ZNF385D: variants seen among roughly 807,000 people sequenced by gnomAD.
ZNF385D encodes zinc finger protein 385D.
In ZNF385D, 15 loss-of-function variants were observed where a neutral mutation model predicts 35.8. The observed-to-expected ratio is 0.42, with a 90% CI of 0.28 to 0.64. The LOEUF (loss-of-function observed/expected upper bound fraction) is 0.64. ZNF385D is among the 30% of genes least tolerant of loss of function. ZNF385D has a pLI of 0.23. For synonymous variants in ZNF385D, 212 were observed against 186.8 expected (o/e 1.13, Z -1.10); for missense variants, 474 against 494.6 (o/e 0.96, Z 0.39).
At chr3:22,159,930 C>T (rs532649247) in intron 3 of ZNF385D, among the ~76,000 whole-genome samples, 1 of 152,044 alleles carries the variant, frequency 6.6e-6, no homozygotes, top group South Asian at 2.1e-4. Flanking sequence ...GGTTGTGTCC[C>T]CAGCCAAAAT....
intron 2 of ZNF385D, among the ~76,000 whole-genome samples, chr3:22,361,574 A>G (rs1422004578): frequency 6.6e-6 from 1 of 152,016 alleles, no homozygotes; most frequent in Non-Finnish European, 1.5e-5. Context: ...TGCTCCCTTA[A>G]TACTGTCATT....
At position 21,767,332 on chromosome 3, in the gene ZNF385D, T is replaced by C. The variant is rs558190681; in HGVS notation, c.326-102304A>G. On this transcript the variant is annotated intron_variant, in intron 3 of 5. Transcript: ENST00000494108. ...TTTGACAAATTTTACTCATTCTTTC[T>C]CCTTTTAGCTCAACTGCCACTTGTC... 1.2e-4 allele frequency among the ~76,000 whole-genome samples: 18 copies of C among 151,940 alleles called. 1 individual carries two copies. Among genetic ancestry groups the C allele is most frequent in the African/African-American group, 3.1e-4 (13 of 41,350 alleles).
intron 2 of ZNF385D, among the ~76,000 whole-genome samples, chr3:22,183,211 C>T (rs1249803016): frequency 6.6e-6 from 1 of 152,036 alleles, no homozygotes; most frequent in East Asian, 1.9e-4. Flanking sequence ...GTTCCTTGGA[C>T]ATTTTTTGTT....
chr3:21,951,962 A>G (rs1702086858), intron 3 of ZNF385D, among the ~76,000 whole-genome samples: 1 of 151,596 alleles, frequency 6.6e-6, no homozygotes, highest in Non-Finnish European at 1.5e-5. Context: ...GGTTGTTGAA[A>G]AACCATGACC....
At chr3:21,787,866 C>T (rs1050978655) in intron 3 of ZNF385D, among the ~76,000 whole-genome samples, 8 of 142,574 alleles carry the variant, frequency 5.6e-5, no homozygotes, top group African/African-American at 1.3e-4. Flanking sequence ...GGCGTGAACC[C>T]GGGAGGCGGA....
At chr3:21,742,268 T>C (rs959742251) in intron 1 of ZNF385D, among the ~76,000 whole-genome samples, 10 of 152,246 alleles carry the variant, frequency 6.6e-5, no homozygotes, top group African/African-American at 2.4e-4. Context: ...AGTGACAAAG[T>C]ACATACTTGA....
intron 4 of ZNF385D, among the ~76,000 whole-genome samples, chr3:21,475,150 A>T (rs1364751258): frequency 1.3e-5 from 2 of 151,954 alleles, no homozygotes; most frequent in East Asian, 3.9e-4. Context: ...TAGTTTTTGA[A>T]TTTTTGAATT....
intron 3 of ZNF385D, among the ~76,000 whole-genome samples, chr3:21,972,628 T>C (rs1343458283): frequency 1.3e-5 from 2 of 151,284 alleles, no homozygotes; most frequent in Non-Finnish European, 3.0e-5. Context: ...ATATAAAAGA[T>C]GAACAAAATG....
intron 2 of ZNF385D, among the ~76,000 whole-genome samples, chr3:21,585,371 A>T (rs971098430): frequency 6.6e-6 from 1 of 152,272 alleles, no homozygotes; most frequent in South Asian, 2.1e-4. Context: ...TTATGAAAAT[A>T]ATATATGACA....
chr3:22,289,777 A>G (rs762841400), intron 2 of ZNF385D, among the ~76,000 whole-genome samples: 16 of 152,132 alleles, frequency 1.1e-4, no homozygotes, highest in Non-Finnish European at 2.1e-4. Flanking sequence ...GCATGCACCA[A>G]TGCCTTCCAG....
chr3:21,978,282 T>G (rs1703763605), intron 3 of ZNF385D: 1 of 152,252 alleles, frequency 6.6e-6, no homozygotes, highest in Admixed American at 6.5e-5. Context: ...AATCAGGCAC[T>G]TGTTAAAAAG....
In ZNF385D at chr3:21,417,412, TG is replaced by T. The variant is rs1700577919; in HGVS notation, c.*3801del. 6.6e-6 allele frequency: 1 copy of T among 152,080 alleles called. No homozygotes were observed. Among genetic ancestry groups the T allele is most frequent in the African/African-American group, 2.4e-5 (1 of 41,434 alleles). The allele number at this position is 152,080 out of a possible 1,614,324, so 9.4% of individuals were successfully genotyped here. On this transcript the variant is annotated 3_prime_UTR_variant, in exon 8 of 8. Coordinates refer to ENST00000281523, the MANE Select transcript of ZNF385D (RefSeq NM_024697.3). ...TTTTCCCACCACTTCATGCGGCTTT[TG>T]GGTGAACAAAGTTATTAATACAATG... is the stretch of plus-strand genomic sequence containing the variant.
chr3:22,174,750 C>A (rs1000268031), intron 2 of ZNF385D, among the ~76,000 whole-genome samples: 2 of 152,060 alleles, frequency 1.3e-5, no homozygotes, highest in African/African-American at 4.8e-5. Context: ...TGAAATACAA[C>A]TAGTCAGGGT....
chr3:21,592,237 A>G (rs1222860122), intron 2 of ZNF385D, among the ~76,000 whole-genome samples: 1 of 152,072 alleles, frequency 6.6e-6, no homozygotes, highest in Non-Finnish European at 1.5e-5. Context: ...TGGTTTCCAC[A>G]TTCTTGCTGC....
At chr3:21,501,088 C>T (rs778664089) in intron 4 of ZNF385D, among the ~76,000 whole-genome samples, 1 of 152,088 alleles carries the variant, frequency 6.6e-6, no homozygotes, top group Non-Finnish European at 1.5e-5. Flanking sequence ...GAATAACATG[C>T]CTGGTTAAAC....
intron 3 of ZNF385D, among the ~76,000 whole-genome samples, chr3:22,163,852 A>G (rs1048099868): frequency 6.6e-6 from 1 of 152,184 alleles, no homozygotes; most frequent in African/African-American, 2.4e-5. Flanking sequence ...ATGTTTAAGG[A>G]GAAGAATGAA....
intron 2 of ZNF385D, among the ~76,000 whole-genome samples, chr3:21,571,383 T>C (rs1410494864): frequency 6.6e-6 from 1 of 152,222 alleles, no homozygotes; most frequent in African/African-American, 2.4e-5. Context: ...TCCATGTTAA[T>C]CTATTAGGAA....
intron 2 of ZNF385D, among the ~76,000 whole-genome samples, chr3:22,211,828 G>A (rs190618877): frequency 3.4e-4 from 52 of 151,988 alleles, no homozygotes; most frequent in African/African-American, 1.1e-3. Flanking sequence ...TAAATTACCC[G>A]ATATACTTCC....
chr3:21,477,094 A>G (rs948056742), intron 4 of ZNF385D, among the ~76,000 whole-genome samples: 3 of 152,170 alleles, frequency 2.0e-5, no homozygotes, highest in Non-Finnish European at 4.4e-5. Context: ...ACGCCACTCC[A>G]GTGGACCCCT....
Sources: allele counts gnomAD v4.1 joint callset (sites outside exome capture counted in the v4.1 genomes callset), GRCh38; gene constraint gnomAD v4.1.1; transcripts MANE v1.5; gene names NCBI Gene and HGNC (gene_info 2026-07-23, HGNC 2026-07-21).